Variants in CDCA2 observed in about 807,000 individuals in gnomAD.
CDCA2 encodes cell division cycle associated 2.
CDCA2 carries 44 observed loss-of-function variants against 67.0 expected under a neutral mutation model. That is an observed-to-expected ratio of 0.66 (90% CI 0.52 to 0.84). CDCA2 has a LOEUF of 0.84. Ranked by LOEUF, CDCA2 falls within the 40% of genes least tolerant of loss-of-function variation. The pLI, the probability that CDCA2 is intolerant of heterozygous loss-of-function variation, is 0.00. For synonymous variants in CDCA2, 447 were observed against 418.7 expected (o/e 1.07, Z -0.82); for missense variants, 1,253 against 1,203.2 (o/e 1.04, Z -0.61).
At chr8:25,498,729 C>T (rs1208507243) in intron 13 of CDCA2, among the ~76,000 whole-genome samples, 2 of 152,032 alleles carry the variant, frequency 1.3e-5, no homozygotes, top group African/African-American at 2.4e-5. Context: ...ACCCATAACC[C>T]CGCCTCATCC....
At chr8:25,506,476 T>A in intron 14 of CDCA2, 34 bp from the exon 15 acceptor site, 10 of 1,498,126 alleles carry the variant, frequency 6.7e-6, no homozygotes, top group Non-Finnish European at 8.9e-6. Flanking sequence ...TTGTTACTTT[T>A]TAATTAGATT....
chr8:25,486,059 G>T (rs1233104417), intron 11 of CDCA2, among the ~76,000 whole-genome samples: 1 of 152,104 alleles, frequency 6.6e-6, no homozygotes, highest in Non-Finnish European at 1.5e-5. Flanking sequence ...TCCTCAGATG[G>T]AATCCCCATT....
chr8:25,496,238 C>T (rs1298027015), intron 13 of CDCA2, among the ~76,000 whole-genome samples: 2 of 152,106 alleles, frequency 1.3e-5, no homozygotes, highest in Non-Finnish European at 2.9e-5. Flanking sequence ...CATTGCAAAG[C>T]ATTGAAGTAC....
intron 14 of CDCA2, among the ~76,000 whole-genome samples, chr8:25,504,899 G>GGAAAC (rs1804617875): frequency 6.6e-6 from 1 of 152,140 alleles, no homozygotes; most frequent in African/African-American, 2.4e-5. Flanking sequence ...CCTTGAGAGT[G>GGAAAC]GAAACTAAGT....
At chr8:25,501,598 C>A (rs183106918) in intron 13 of CDCA2, among the ~76,000 whole-genome samples, 356 of 152,352 alleles carry the variant, frequency 2.3e-3, no homozygotes, top group African/African-American at 8.0e-3. Context: ...AGCCTTTCTG[C>A]ATCGCCCCCA....
At chr8:25,477,422 A>T (rs1278160055) in intron 7 of CDCA2, among the ~76,000 whole-genome samples, 1 of 152,104 alleles carries the variant, frequency 6.6e-6, no homozygotes, top group Non-Finnish European at 1.5e-5. Flanking sequence ...CTCTATATAC[A>T]GGTTGAGCAT....
chr8:25,477,182 C>G (rs554061911), intron 7 of CDCA2, among the ~76,000 whole-genome samples: 8 of 152,302 alleles, frequency 5.3e-5, no homozygotes, highest in African/African-American at 1.9e-4. Flanking sequence ...TCAACACATT[C>G]CTTTCCTTGA....
At chr8:25,504,717 G>A (rs1488055472) in intron 14 of CDCA2, among the ~76,000 whole-genome samples, 4 of 152,040 alleles carry the variant, frequency 2.6e-5, no homozygotes, top group Non-Finnish European at 5.9e-5. Flanking sequence ...CTCACAGGCT[G>A]TGTTGTGACA....
chr8:25,501,296 A>G (rs1331147860), intron 13 of CDCA2, among the ~76,000 whole-genome samples: 1 of 152,240 alleles, frequency 6.6e-6, no homozygotes, highest in African/African-American at 2.4e-5. Flanking sequence ...CTCAAGGAGC[A>G]CATAGTTTTG....
intron 8 of CDCA2, among the ~76,000 whole-genome samples, chr8:25,482,032 G>A (rs557210609): frequency 6.6e-6 from 1 of 152,292 alleles, no homozygotes; most frequent in East Asian, 1.9e-4. Context: ...GGTTGAGGCC[G>A]GATGAGTAGG....
Position 25,469,376 on chromosome 8 carries a change from A to G in CDCA2, c.736-520A>G, listed in dbSNP as rs560312297. Among the ~76,000 whole-genome samples, 5 of 152,360 alleles carry G rather than the reference A, an allele frequency of 3.3e-5. No homozygotes were observed. The East Asian group carries it at 9.6e-4, about 29-fold the overall frequency. ...AAATCCCCACTGGACAGAAGCAAGAATAATTGTTTGTTATCAGAACTTTGA... is the reference window on the plus strand; with the variant it reads ...AAATCCCCACTGGACAGAAGCAAGAGTAATTGTTTGTTATCAGAACTTTGA... On this transcript the variant is annotated intron_variant, in intron 6 of 14. Coordinates refer to ENST00000330560, the MANE Select transcript of CDCA2 (RefSeq NM_152562.4).
intron 4 of CDCA2, among the ~76,000 whole-genome samples, chr8:25,464,020 C>A (rs555275525): frequency 6.6e-5 from 10 of 152,304 alleles, no homozygotes; most frequent in African/African-American, 2.4e-4. Flanking sequence ...CTAGCTAAGC[C>A]AGCACTTTTA....
chr8:25,477,373 C>A (rs1026450099), intron 7 of CDCA2, among the ~76,000 whole-genome samples: 8 of 152,052 alleles, frequency 5.3e-5, no homozygotes, highest in African/African-American at 1.9e-4. Context: ...ATTTGAATGC[C>A]CCCCCTCGAC....
In CDCA2 at chr8:25,483,476, G is replaced by C; in HGVS notation, c.1110G>C (p.Glu370Asp). The change falls in exon 9 of 15, where the codon GAG (glutamate) becomes GAC (aspartate). Residue 370 changes from glutamate (E) to aspartate (D), a missense_variant. By Grantham distance (45) the Glu-to-Asp change is conservative. Transcript: ENST00000330560. Reference protein sequence around the residue: ...LISNLPNCCKEKEAEDEENFE... With the variant: ...LISNLPNCCKDKEAEDEENFE... ...CAAATCTCCCAAACTGTTGCAAAGA[G>C]AAAGAAGCAGGTAAGAAATTCATAC... The C allele has an allele frequency of 6.2e-7, 1 of 1,609,066 alleles. No homozygotes were observed.
intron 12 of CDCA2, among the ~76,000 whole-genome samples, chr8:25,488,140 T>A (rs1343102240): frequency 3.3e-5 from 5 of 152,204 alleles, no homozygotes; most frequent in African/African-American, 4.8e-5. Context: ...TATACTGTTA[T>A]GGGGTATTTA....
intron 10 of CDCA2, 56 bp from the exon 11 acceptor site, chr8:25,485,703 C>T (rs1803747449): frequency 3.1e-6 from 3 of 963,772 alleles, no homozygotes; most frequent in Non-Finnish European, 3.2e-6. Context: ...CTTTTGGGCA[C>T]ATTATGTATT....
At chr8:25,491,466 A>T (rs561861255) in intron 13 of CDCA2, among the ~76,000 whole-genome samples, 4 of 152,330 alleles carry the variant, frequency 2.6e-5, no homozygotes, top group African/African-American at 9.6e-5. Flanking sequence ...TAAGAACCAG[A>T]GTGGCATCAA....
chr8:25,493,738 A>G (rs1337693196), intron 13 of CDCA2, among the ~76,000 whole-genome samples: 1 of 152,204 alleles, frequency 6.6e-6, no homozygotes, highest in Non-Finnish European at 1.5e-5. Flanking sequence ...TTAGATTACC[A>G]AAAATCTGAA....
chr8:25,485,695 T>C lies in CDCA2; in HGVS notation c.1366-64T>C, dbSNP rs551282157. ...TACCAAAATAAATTCTTACTCTTCT[T>C]TTGGGCACATTATGTATTCACTGCA... On this transcript the variant is annotated intron_variant, in intron 10 of 14. Transcript: ENST00000330560. The C allele has an allele frequency of 1.4e-4, 123 of 868,996 alleles. 1 individual carries two copies. The African/African-American group carries it at 1.9e-3, about 14-fold the overall frequency. 53.8% of individuals were successfully genotyped at this position (868,996 alleles called of 1,614,324 possible). A position where few individuals can be genotyped will look rare whatever the true frequency, so the allele number is the denominator to read the frequency against.
Sources: allele counts gnomAD v4.1 joint callset (sites outside exome capture counted in the v4.1 genomes callset), GRCh38; gene constraint gnomAD v4.1.1; transcripts MANE v1.5; gene names NCBI Gene and HGNC (gene_info 2026-07-23, HGNC 2026-07-21).